DTNB: variants seen among roughly 807,000 people sequenced by gnomAD.
DTNB encodes dystrobrevin beta, also known as DTN-B.
DTNB carries 63 observed loss-of-function variants against 90.7 expected under a neutral mutation model. The observed-to-expected ratio is 0.69, with a 90% CI of 0.57 to 0.86. The LOEUF (loss-of-function observed/expected upper bound fraction) is 0.86. Among genes scored for constraint, DTNB ranks in the 40% least tolerant of loss-of-function variants. The pLI, the probability that DTNB is intolerant of heterozygous loss-of-function variation, is 0.00. For missense variants in DTNB, 744 were observed against 807.1 expected, an observed-to-expected ratio of 0.92 and a Z score of 0.95; for synonymous variants, 277 against 286.7, an observed-to-expected ratio of 0.97 and a Z score of 0.34.
At chr2:25,379,354 G>A (rs2036872045) in intron 19 of DTNB, 31 bp from the exon 20 acceptor site, 1 of 1,311,876 alleles carries the variant, frequency 7.6e-7, no homozygotes, top group Non-Finnish European at 9.8e-7. Context: ...ACAACACACT[G>A]AGGTCACGGC....
intron 3 of DTNB, among the ~76,000 whole-genome samples, chr2:25,631,800 CAACT>C (rs1043520903): frequency 3.9e-5 from 6 of 152,210 alleles, no homozygotes; most frequent in Middle Eastern, 6.8e-3. Flanking sequence ...TTAAACTTCA[CAACT>C]AACAAAGTAG....
At chr2:25,544,233 C>A (rs2081973005) in intron 8 of DTNB, among the ~76,000 whole-genome samples, 1 of 152,212 alleles carries the variant, frequency 6.6e-6, no homozygotes, top group African/African-American at 2.4e-5. Context: ...GCAGGCGACT[C>A]ACTGCAATGG....
intron 9 of DTNB, among the ~76,000 whole-genome samples, chr2:25,487,949 T>C (rs1159866549): frequency 1.3e-5 from 2 of 152,128 alleles, no homozygotes; most frequent in Non-Finnish European, 2.9e-5. Context: ...AATGTGACCA[T>C]CACATCATTT....
chr2:25,571,305 A>G (rs1198822123), intron 8 of DTNB, among the ~76,000 whole-genome samples: 3 of 152,196 alleles, frequency 2.0e-5, no homozygotes, highest in African/African-American at 7.2e-5. Context: ...TCTACTCTTT[A>G]CATGGCATCT....
rs2074805563 is a variant in DTNB, at chr2:25,628,174, T to C, written c.359A>G (p.Asp120Gly). ...TGTAAGGTAAGGTACTACTAGCCTG[T>C]CATATGCAGCAATCATAAAGTTGAG... ...LLLNFMIAAY[D>G]SEGRGKLTVF... Residue 120 changes from aspartate to glycine, a missense_variant, in exon 4 of 21, where the codon GAC (aspartate) becomes GGC (glycine). Physicochemically the swap from Asp to Gly is moderately conservative, Grantham distance 94. Coordinates refer to ENST00000406818, the MANE Select transcript of DTNB (RefSeq NM_021907.5). The C allele has an allele frequency of 6.2e-7, 1 of 1,613,852 alleles. No homozygotes were observed. The highest frequency in any genetic ancestry group is 1.7e-5 in the Admixed American group (1 of 60,018).
intron 8 of DTNB, among the ~76,000 whole-genome samples, chr2:25,533,696 G>A (rs778018979): frequency 7.9e-5 from 12 of 152,214 alleles, no homozygotes; most frequent in African/African-American, 2.4e-4. Flanking sequence ...AATACACTGT[G>A]TTCTTTTAGG....
At chr2:25,510,368 T>A (rs574102536) in intron 9 of DTNB, among the ~76,000 whole-genome samples, 273 of 152,308 alleles carry the variant, frequency 1.8e-3, no homozygotes, top group African/African-American at 6.4e-3. Flanking sequence ...TATTTGATAG[T>A]TCACACTCTT....
intron 16 of DTNB, among the ~76,000 whole-genome samples, chr2:25,417,395 G>A (rs2048246166): frequency 6.6e-6 from 1 of 152,218 alleles, no homozygotes; most frequent in Admixed American, 6.5e-5. Context: ...ATTGACCTGA[G>A]AACTAATATC....
chr2:25,479,897 C>G (rs527904316), intron 10 of DTNB, among the ~76,000 whole-genome samples: 1 of 152,128 alleles, frequency 6.6e-6, no homozygotes, highest in Admixed American at 6.5e-5. Flanking sequence ...GCTCTATCTC[C>G]GCGAGCATTC....
intron 2 of DTNB, among the ~76,000 whole-genome samples, chr2:25,648,835 T>C (rs1458358095): frequency 6.6e-6 from 1 of 152,136 alleles, no homozygotes; most frequent in Non-Finnish European, 1.5e-5. Flanking sequence ...ATAATGATAA[T>C]GATTCCTGGC....
intron 8 of DTNB, among the ~76,000 whole-genome samples, chr2:25,549,779 G>A (rs2083202076): frequency 6.6e-6 from 1 of 151,830 alleles, no homozygotes; most frequent in Non-Finnish European, 1.5e-5. Context: ...TCCCACCTCA[G>A]CCTGCCAAGT....
chr2:25,479,527 G>C (rs2064477230), intron 10 of DTNB, among the ~76,000 whole-genome samples: 1 of 152,156 alleles, frequency 6.6e-6, no homozygotes, highest in Non-Finnish European at 1.5e-5. Flanking sequence ...TTTCTTTTCA[G>C]TTATAAGATA....
Position 25,565,699 on chromosome 2 carries a change from C to G in DTNB, c.876+11139G>C, listed in dbSNP as rs117632630. Reference sequence around the variant, plus strand: ...ATGATCTTATTTTTCATCCTTTAGTCTGTTAACAAGGTATATTATACTGAT... The same window carrying G: ...ATGATCTTATTTTTCATCCTTTAGTGTGTTAACAAGGTATATTATACTGAT... On this transcript the variant is annotated intron_variant, in intron 8 of 20. Coordinates refer to ENST00000406818, the MANE Select transcript of DTNB (RefSeq NM_021907.5). 1.6e-4 allele frequency among the ~76,000 whole-genome samples: 25 copies of G among 151,872 alleles called. 1 individual carries two copies. The East Asian group carries it at 4.8e-3, about 29-fold the overall frequency.
intron 8 of DTNB, among the ~76,000 whole-genome samples, chr2:25,544,723 C>T (rs921965956): frequency 6.6e-6 from 1 of 152,188 alleles, no homozygotes; most frequent in Non-Finnish European, 1.5e-5. Flanking sequence ...ATGCCTCAAC[C>T]AATTTCATGC....
At chr2:25,422,546 T>G (rs910329688) in intron 15 of DTNB, among the ~76,000 whole-genome samples, 1 of 151,824 alleles carries the variant, frequency 6.6e-6, no homozygotes, top group African/African-American at 2.4e-5. Context: ...CCTGGGATTA[T>G]AGGCATGCAC....
chr2:25,433,753 C>T (rs934896338), intron 13 of DTNB, among the ~76,000 whole-genome samples, 157 bp downstream of exon 13: 3 of 152,098 alleles, frequency 2.0e-5, no homozygotes, highest in African/African-American at 7.2e-5. Context: ...CACAAATCAG[C>T]GTCCAGGGCA....
At chr2:25,577,149 G>T (rs1474288548) in intron 7 of DTNB, 145 bp from the exon 8 acceptor site, 10 of 1,046,856 alleles carry the variant, frequency 9.6e-6, no homozygotes, top group Non-Finnish European at 1.2e-5. Context: ...AAAAATAAAA[G>T]TAGAGCCGGA....
intron 16 of DTNB, among the ~76,000 whole-genome samples, chr2:25,400,950 A>T: frequency 6.6e-6 from 1 of 152,226 alleles, no homozygotes; most frequent in Admixed American, 6.5e-5. Flanking sequence ...GACCCTGAGA[A>T]CCCGAGAAAG....
chr2:25,562,494 G>A (rs2058412022), intron 8 of DTNB, among the ~76,000 whole-genome samples: 1 of 152,188 alleles, frequency 6.6e-6, no homozygotes, highest in Non-Finnish European at 1.5e-5. Flanking sequence ...AACATTCTAA[G>A]AAACTGTTAA....
Sources: allele counts gnomAD v4.1 joint callset (sites outside exome capture counted in the v4.1 genomes callset), GRCh38; gene constraint gnomAD v4.1.1; transcripts MANE v1.5; gene names NCBI Gene and HGNC (gene_info 2026-07-23, HGNC 2026-07-21).